The following SLC35D4 variants were observed in gnomAD, a reference collection of about 807,000 sequenced individuals.
SLC35D4 encodes the protein solute carrier family 35 member D4.
chr18:23,333,638 C>T, the SLC35D4 span, among the ~76,000 whole-genome samples: 2 of 152,166 alleles, frequency 1.3e-5, no homozygotes, highest in Non-Finnish European at 2.9e-5. Context: ...CCTGAAGCTA[C>T]CAGAACACCC....
the SLC35D4 span, among the ~76,000 whole-genome samples, chr18:23,422,332 C>T: frequency 1.3e-3 from 192 of 152,076 alleles, no homozygotes; most frequent in African/African-American, 4.1e-3. Context: ...ATCATTACCC[C>T]GAACCTCTCC....
the SLC35D4 span, among the ~76,000 whole-genome samples, chr18:23,352,531 A>G: frequency 2.0e-5 from 3 of 152,268 alleles, no homozygotes; most frequent in African/African-American, 7.2e-5. Context: ...AAGAAATTTC[A>G]GAGGCCTCTG....
At chr18:23,254,366 C>T in the SLC35D4 span, among the ~76,000 whole-genome samples, 1 of 152,196 alleles carries the variant, frequency 6.6e-6, no homozygotes, top group Non-Finnish European at 1.5e-5. Flanking sequence ...GGTGGTATCT[C>T]TTTTCTTTAA....
the SLC35D4 span, chr18:23,384,890 G>T: frequency 1.0e-6 from 1 of 992,022 alleles, no homozygotes; most frequent in Non-Finnish European, 1.5e-6. Flanking sequence ...GGAGATTGGT[G>T]GCAGGAAGAG....
chr18:23,276,587 A>G, the SLC35D4 span, among the ~76,000 whole-genome samples: 1 of 152,080 alleles, frequency 6.6e-6, no homozygotes, highest in Non-Finnish European at 1.5e-5. Flanking sequence ...CTGGTATTTC[A>G]TAGTTCTTCA....
the SLC35D4 span, among the ~76,000 whole-genome samples, chr18:23,291,703 G>T: frequency 6.6e-6 from 1 of 152,210 alleles, no homozygotes; most frequent in Non-Finnish European, 1.5e-5. Flanking sequence ...ACACTGCAAG[G>T]CTGCTTTGAC....
At chr18:23,256,234 T>G in the SLC35D4 span, among the ~76,000 whole-genome samples, 1 of 152,250 alleles carries the variant, frequency 6.6e-6, no homozygotes, top group African/African-American at 2.4e-5. Flanking sequence ...AGGCCCTCCC[T>G]GTCCATCCCC....
chr18:23,247,359 A>C, the SLC35D4 span, among the ~76,000 whole-genome samples: 1 of 152,260 alleles, frequency 6.6e-6, no homozygotes, highest in Non-Finnish European at 1.5e-5. Flanking sequence ...CCCTGGGCTC[A>C]GAGTGATCCG....
At chr18:23,248,538 T>G in the SLC35D4 span, among the ~76,000 whole-genome samples, 1 of 93,602 alleles carries the variant, frequency 1.1e-5, no homozygotes, top group African/African-American at 3.5e-5. Flanking sequence ...TTTTTTTTTT[T>G]AAAAAAAGGC....
At chr18:23,436,698 C>G in the SLC35D4 span, among the ~76,000 whole-genome samples, 2 of 152,106 alleles carry the variant, frequency 1.3e-5, no homozygotes, top group African/African-American at 4.8e-5. Context: ...GAGGCTGAGG[C>G]AGGAGAATCG....
At chr18:23,412,304 A>C in the SLC35D4 span, among the ~76,000 whole-genome samples, 2 of 152,186 alleles carry the variant, frequency 1.3e-5, no homozygotes. Context: ...ACAACAGAGC[A>C]AGACTCTGTC....
chr18:23,327,292 T>A, the SLC35D4 span, among the ~76,000 whole-genome samples: 1 of 152,052 alleles, frequency 6.6e-6, no homozygotes, highest in African/African-American at 2.4e-5. Context: ...ACAAAACTGA[T>A]AGACCACTAG....
chr18:23,278,877 G>A, the SLC35D4 span, among the ~76,000 whole-genome samples: 15 of 151,946 alleles, frequency 9.9e-5, no homozygotes, highest in Non-Finnish European at 2.2e-4. Context: ...AGCCGGGTGT[G>A]GTGGGGCTCA....
chr18:23,388,954 T>A, the SLC35D4 span, among the ~76,000 whole-genome samples: 2 of 151,856 alleles, frequency 1.3e-5, no homozygotes, highest in South Asian at 4.2e-4. Context: ...CAATTAAACA[T>A]CTTTTCTTCA....
chr18:23,295,491 AATAAT>A, the SLC35D4 span, among the ~76,000 whole-genome samples: 1 of 152,274 alleles, frequency 6.6e-6, no homozygotes, highest in Admixed American at 6.5e-5. Flanking sequence ...TTAGAAAAAA[AATAAT>A]ATAAATATTT....
chr18:23,290,132 G>T, the SLC35D4 span, among the ~76,000 whole-genome samples: 1 of 152,226 alleles, frequency 6.6e-6, no homozygotes, highest in Non-Finnish European at 1.5e-5. Flanking sequence ...CAACCAGCCC[G>T]GTGATGGGCC....
the SLC35D4 span, chr18:23,365,507 T>C: frequency 9.1e-7 from 1 of 1,096,420 alleles, no homozygotes; most frequent in Non-Finnish European, 1.3e-6. Flanking sequence ...GGTGGGACCT[T>C]CCTGCCCTCT....
chr18:23,358,932 G>T, the SLC35D4 span, among the ~76,000 whole-genome samples: 1 of 152,142 alleles, frequency 6.6e-6, no homozygotes, highest in African/African-American at 2.4e-5. Context: ...AACAGCAAAT[G>T]TTAGTGACTG....
At chr18:23,400,547 A>C in the SLC35D4 span, among the ~76,000 whole-genome samples, 16 of 152,150 alleles carry the variant, frequency 1.1e-4, no homozygotes, top group African/African-American at 2.9e-4. Context: ...GAATCACCTG[A>C]GCTCAGGAGG....
Sources: allele counts gnomAD v4.1 joint callset (sites outside exome capture counted in the v4.1 genomes callset), GRCh38; gene constraint gnomAD v4.1.1; transcripts MANE v1.5; gene names NCBI Gene and HGNC (gene_info 2026-07-23, HGNC 2026-07-21).